ST6GAL1: variants seen among roughly 807,000 people sequenced by gnomAD.
ST6GAL1 encodes ST6 beta-galactoside alpha-2,6-sialyltransferase 1.
Under a neutral mutation model 38.0 loss-of-function variants are expected in ST6GAL1, and 20 were observed. The observed-to-expected ratio is 0.53, with a 90% CI of 0.37 to 0.77. The LOEUF is 0.77. Ranked by LOEUF, ST6GAL1 falls within the 30% of genes least tolerant of loss-of-function variation. ST6GAL1 has a pLI of 0.00. For missense variants in ST6GAL1, 432 were observed against 496.4 expected (o/e 0.87, Z 1.23); for synonymous variants, 196 against 188.2 (o/e 1.04, Z -0.34).
chr3:187,073,039 T>C lies in ST6GAL1; in HGVS notation c.804+92T>C, dbSNP rs151322610. 8.6e-4 allele frequency: 857 copies of C among 1,002,058 alleles called. 2 individuals are homozygous for C. Among genetic ancestry groups the C allele is most frequent in the Non-Finnish European group, 1.2e-3 (759 of 642,158 alleles). 62.1% of individuals were successfully genotyped at this position (1,002,058 alleles called of 1,614,324 possible). ...TAGGTTTTTAAAGTCATGGCTGACA[T>C]TGGCTATTCCTAAAGGCTGGGTATT... On this transcript the variant is annotated intron_variant, in intron 6 of 7. Coordinates refer to ENST00000169298, the MANE Select transcript of ST6GAL1 (RefSeq NM_173216.2).
At chr3:186,945,782 C>T (rs886391538) in intron 1 of ST6GAL1, among the ~76,000 whole-genome samples, 9 of 144,714 alleles carry the variant, frequency 6.2e-5, no homozygotes, top group Admixed American at 1.4e-4. Flanking sequence ...ATCAGGAGAT[C>T]GAGACCATCC....
At chr3:186,993,594 T>G (rs978513928) in intron 2 of ST6GAL1, among the ~76,000 whole-genome samples, 10 of 80,474 alleles carry the variant, frequency 1.2e-4, no homozygotes, top group African/African-American at 3.7e-4. Context: ...ATTTATTTAT[T>G]TATTTATTTA....
In ST6GAL1 at chr3:186,971,524, C is replaced by G. The variant is rs1715349298; in HGVS notation, c.-183+7598C>G. On this transcript the variant is annotated intron_variant, in intron 2 of 7. Coordinates refer to ENST00000169298, the MANE Select transcript of ST6GAL1 (RefSeq NM_173216.2). The stretch of plus-strand genomic sequence containing the variant: ...CTGGCTGTCTGAATCTAGACCACAG[C>G]CTGTACTCCTTAAGTGTTGGAAGCA... Among the ~76,000 whole-genome samples, 5 of 152,324 alleles carry G rather than the reference C, an allele frequency of 3.3e-5. No individual in the cohort carries two copies. The South Asian group carries it at 1.0e-3, about 32-fold the overall frequency.
chr3:187,016,068 C>A (rs1349916538), intron 2 of ST6GAL1, among the ~76,000 whole-genome samples: 1 of 152,158 alleles, frequency 6.6e-6, no homozygotes, highest in Admixed American at 6.5e-5. Context: ...CACGTGGGAA[C>A]CCCCTAGGAG....
rs1351372552 is a variant in ST6GAL1, at chr3:186,952,612, C to T, written c.-324-11173C>T. Among the ~76,000 whole-genome samples, 1 of 152,138 alleles carries T rather than the reference C, an allele frequency of 6.6e-6. No homozygotes were observed. Among genetic ancestry groups the T allele is most frequent in the African/African-American group, 2.4e-5 (1 of 41,422 alleles). On this transcript the variant is annotated intron_variant, in intron 1 of 7. Coordinates refer to ENST00000169298, the MANE Select transcript of ST6GAL1 (RefSeq NM_173216.2). The surrounding 1 kb of genome is among the most constrained non-coding windows in gnomAD (Gnocchi z 4.1). The stretch of plus-strand genomic sequence containing the variant: ...CTCCGCCTCCCGGGTTCAAGCGCTT[C>T]TCTGTTGGCTCATTTTCACTTGGTC...
intron 2 of ST6GAL1, among the ~76,000 whole-genome samples, chr3:187,022,537 A>T (rs993679045): frequency 6.6e-6 from 1 of 152,198 alleles, no homozygotes; most frequent in African/African-American, 2.4e-5. Flanking sequence ...GGAGCCTCAT[A>T]GATAGCAGCC....
At chr3:186,944,556 A>G (rs16861316) in intron 1 of ST6GAL1, among the ~76,000 whole-genome samples, 2,751 of 152,306 alleles carry the variant, frequency 0.018, 86 homozygotes, top group African/African-American at 0.062. Context: ...TGATGAAACT[A>G]CTCAATGAAA....
chr3:187,025,774 G>A (rs1408296454), intron 2 of ST6GAL1, among the ~76,000 whole-genome samples: 2 of 152,216 alleles, frequency 1.3e-5, no homozygotes, highest in South Asian at 2.1e-4. Flanking sequence ...AATCAGTTCC[G>A]AGTGGTTGGC....
At chr3:187,030,200 G>C (rs760288325) in intron 2 of ST6GAL1, among the ~76,000 whole-genome samples, 1 of 152,184 alleles carries the variant, frequency 6.6e-6, no homozygotes, top group East Asian at 1.9e-4. Flanking sequence ...TTGGGTGGGG[G>C]AGAAGATGGC....
At chr3:186,971,113 A>G (rs570420208) in intron 2 of ST6GAL1, among the ~76,000 whole-genome samples, 1 of 152,256 alleles carries the variant, frequency 6.6e-6, no homozygotes, top group Admixed American at 6.5e-5. Context: ...TTGGACACGG[A>G]GTTTCACTCT....
chr3:186,948,528 A>AGTGT (rs36234165), intron 1 of ST6GAL1, among the ~76,000 whole-genome samples: 4,595 of 146,120 alleles, frequency 0.031, 96 homozygotes, highest in Admixed American at 0.07. Flanking sequence ...CAGAAACTCT[A>AGTGT]GTGTGTGTGT....
At chr3:187,027,044 G>A (rs904506395) in intron 2 of ST6GAL1, among the ~76,000 whole-genome samples, 4 of 150,938 alleles carry the variant, frequency 2.7e-5, no homozygotes, top group African/African-American at 9.8e-5. Context: ...GGGAGACTCT[G>A]TCTCCAAAAA....
intron 1 of ST6GAL1, among the ~76,000 whole-genome samples, chr3:186,943,683 C>T (rs113295309): frequency 0.08 from 12,194 of 152,078 alleles, 630 homozygotes; most frequent in Middle Eastern, 0.15. Context: ...CTCCTGACCT[C>T]GTGATCCGCC....
intron 5 of ST6GAL1, among the ~76,000 whole-genome samples, chr3:187,068,876 G>A (rs1313929580): frequency 6.6e-6 from 1 of 152,210 alleles, no homozygotes; most frequent in African/African-American, 2.4e-5. Context: ...GAATAGGGTG[G>A]ATGAGGATAG....
intron 2 of ST6GAL1, among the ~76,000 whole-genome samples, chr3:186,976,254 C>T (rs1344404154): frequency 6.6e-6 from 1 of 152,100 alleles, no homozygotes; most frequent in Non-Finnish European, 1.5e-5. Flanking sequence ...TTTTATTCAC[C>T]TCCCCCAACC....
intron 1 of ST6GAL1, among the ~76,000 whole-genome samples, chr3:186,960,363 A>G (rs777385883): frequency 4.6e-5 from 7 of 152,110 alleles, no homozygotes; most frequent in Non-Finnish European, 8.8e-5. Flanking sequence ...CAAGAGATAA[A>G]ACAGAGAACA....
chr3:186,936,977 A>G (rs13064814), intron 1 of ST6GAL1, among the ~76,000 whole-genome samples: 105,463 of 144,940 alleles, frequency 0.73, 38,660 homozygotes, highest in African/African-American at 0.79. Context: ...AAGCTTGACC[A>G]TTGAGGATAA....
At chr3:187,046,555 C>A (rs200993315) in intron 4 of ST6GAL1, among the ~76,000 whole-genome samples, 4 of 89,500 alleles carry the variant, frequency 4.5e-5, no homozygotes, top group East Asian at 7.8e-4. Flanking sequence ...AGGGAAAAGT[C>A]AGAAGGGTCA....
intron 3 of ST6GAL1, among the ~76,000 whole-genome samples, chr3:187,041,020 G>A (rs950750108): frequency 1.1e-4 from 17 of 152,318 alleles, no homozygotes; most frequent in South Asian, 4.1e-4. Flanking sequence ...GCTTCACACT[G>A]CTGTCTTCAC....
Sources: gnomAD v4.1 joint callset for allele counts (sites outside exome capture counted in the v4.1 genomes callset) on GRCh38, gnomAD v4.1.1 for gene constraint, Gnocchi (gnomAD v3.1) non-coding constraint, MANE v1.5 for transcripts, NCBI Gene and HGNC (gene_info 2026-07-23, HGNC 2026-07-21) for gene names.